The following ZNF341 variants were observed in gnomAD, a reference collection of about 807,000 sequenced individuals.
ZNF341 encodes zinc finger protein 341.
ZNF341 carries 52 observed loss-of-function variants against 87.7 expected under a neutral mutation model. The observed-to-expected ratio is 0.59, with a 90% CI of 0.47 to 0.75. ZNF341 has a LOEUF of 0.75. Among genes scored for constraint, ZNF341 ranks in the 30% least tolerant of loss-of-function variants. The probability of loss-of-function intolerance (pLI) is 0.00; values close to 1 mark genes in which losing one functional copy is unlikely to be tolerated. For synonymous variants in ZNF341, 459 were observed against 472.7 expected, an observed-to-expected ratio of 0.97 and a Z score of 0.38; for missense variants, 977 against 1,145.9, an observed-to-expected ratio of 0.85 and a Z score of 2.13.
chr20:33,733,237 G>A (rs79462983), intron 1 of ZNF341, among the ~76,000 whole-genome samples: 1 of 82,266 alleles, frequency 1.2e-5, no homozygotes, highest in African/African-American at 4.6e-5. Context: ...TTTTTTTTTT[G>A]AGACAGAGTC....
intron 13 of ZNF341, 60 bp downstream of exon 13, chr20:33,789,034 C>A: frequency 7.9e-7 from 1 of 1,267,114 alleles, no homozygotes; most frequent in Non-Finnish European, 1.1e-6. Context: ...AGGGGTGCTG[C>A]TGGGGAGGGT....
chr20:33,755,234 C>CA (rs2122669753), intron 5 of ZNF341, among the ~76,000 whole-genome samples: 1 of 152,336 alleles, frequency 6.6e-6, no homozygotes, highest in South Asian at 2.1e-4. Context: ...CATGAGCCAC[C>CA]ACACCCGTCC....
Position 33,732,025 on chromosome 20 carries a change from G to T in ZNF341, c.4G>T (p.Ala2Ser). ...CGGCGACGGCGGCGGCTCCAAGATGGCGCAGGCGATCTTTGAGGCCCTGGA... is the reference window on the plus strand; with the variant it reads ...CGGCGACGGCGGCGGCTCCAAGATGTCGCAGGCGATCTTTGAGGCCCTGGA... M[A>S]QAIFEALEGM... The change falls in exon 1 of 15, where the codon GCG (alanine) becomes TCG (serine). Residue 2 changes from alanine to serine, a missense_variant. Ala to Ser is a moderately conservative substitution (Grantham distance 99). This residue lies in a region of ZNF341 where 515 missense variants were observed against 598.2 expected (regional missense o/e 0.86). Transcript: ENST00000375200. The surrounding 1 kb of genome is among the most constrained non-coding windows in gnomAD (Gnocchi z 4.5). 7.1e-7 allele frequency: 1 copy of T among 1,417,376 alleles called. No homozygotes were observed. The allele number at this position is 1,417,376 out of a possible 1,614,324, so 87.8% of individuals were successfully genotyped here.
intron 7 of ZNF341, among the ~76,000 whole-genome samples, chr20:33,759,983 T>A (rs1194676559): frequency 6.6e-6 from 1 of 152,222 alleles, no homozygotes; most frequent in Non-Finnish European, 1.5e-5. Flanking sequence ...ATGCTAGTAG[T>A]ACTGCAGCTA....
At chr20:33,744,451 C>T (rs1017361794) in intron 2 of ZNF341, among the ~76,000 whole-genome samples, 5 of 152,150 alleles carry the variant, frequency 3.3e-5, no homozygotes, top group African/African-American at 1.2e-4. Context: ...TCAGGTGGCT[C>T]ATTTGGGGAC....
intron 5 of ZNF341, among the ~76,000 whole-genome samples, chr20:33,755,888 C>G (rs1351705061): frequency 6.6e-6 from 1 of 152,028 alleles, no homozygotes; most frequent in Non-Finnish European, 1.5e-5. Flanking sequence ...GCCATCGTGC[C>G]TGGCCAGAGA....
intron 13 of ZNF341, 85 bp downstream of exon 13, chr20:33,789,059 G>T (rs989128087): frequency 1.6e-5 from 17 of 1,055,028 alleles, no homozygotes; most frequent in South Asian, 1.2e-4. Flanking sequence ...CAGATGTCAG[G>T]CCTGAGGGCA....
intron 3 of ZNF341, among the ~76,000 whole-genome samples, chr20:33,748,690 G>T (rs2122653387): frequency 6.6e-6 from 1 of 152,134 alleles, no homozygotes; most frequent in East Asian, 1.9e-4. Context: ...TTCAGTAGAT[G>T]ATTAAATGGA....
chr20:33,774,326 TA>T (rs1328037921), intron 10 of ZNF341, among the ~76,000 whole-genome samples: 1 of 152,002 alleles, frequency 6.6e-6, no homozygotes, highest in African/African-American at 2.4e-5. Context: ...AAATAAGATT[TA>T]TTGATTTTTT....
chr20:33,746,380 C>T (rs567123624), intron 3 of ZNF341, among the ~76,000 whole-genome samples: 10 of 151,114 alleles, frequency 6.6e-5, no homozygotes, highest in African/African-American at 1.7e-4. Context: ...ACTACAGGCG[C>T]GCACCACCAC....
intron 7 of ZNF341, among the ~76,000 whole-genome samples, chr20:33,760,393 ACT>A (rs936160844): frequency 6.6e-6 from 1 of 151,800 alleles, no homozygotes; most frequent in African/African-American, 2.4e-5. Context: ...ACAGGGTGAG[ACT>A]CTGTCTCAAA....
chr20:33,754,368 A>G (rs1026914141), intron 5 of ZNF341, among the ~76,000 whole-genome samples: 16 of 152,176 alleles, frequency 1.1e-4, no homozygotes, highest in African/African-American at 3.9e-4. Flanking sequence ...GGGTATGGTT[A>G]TGACAGAAAC....
intron 14 of ZNF341, 52 bp downstream of exon 14, chr20:33,789,640 G>A: frequency 6.3e-7 from 1 of 1,583,690 alleles, no homozygotes; most frequent in Non-Finnish European, 8.7e-7. Context: ...CTAGTTCACT[G>A]GGATAGACCC....
chr20:33,785,839 T>C (rs897141336), intron 12 of ZNF341, among the ~76,000 whole-genome samples: 1 of 152,090 alleles, frequency 6.6e-6, no homozygotes, highest in African/African-American at 2.4e-5. Context: ...TTTTTCCTTA[T>C]CATATACCTT....
chr20:33,770,343 G>GGGGGGGGGGGGGGC, intron 10 of ZNF341, 51 bp downstream of exon 10: 4 of 511,254 alleles, frequency 7.8e-6, no homozygotes, highest in Non-Finnish European at 1.2e-5. Flanking sequence ...GGTGGGCAGG[G>GGGGGGGGGGGGGGC]AGCCCAGGGC....
At chr20:33,768,089 A>G (rs574783766) in intron 9 of ZNF341, among the ~76,000 whole-genome samples, 3 of 151,564 alleles carry the variant, frequency 2.0e-5, no homozygotes, top group African/African-American at 7.3e-5. Context: ...AAGGAGTCAC[A>G]TGGTTGACAC....
intron 12 of ZNF341, chr20:33,787,005 A>G (rs1452659068): frequency 1.1e-4 from 17 of 151,908 alleles, no homozygotes; most frequent in Admixed American, 1.1e-3. Flanking sequence ...GAAACAAAAC[A>G]AAACAAAAAA....
At chr20:33,768,137 C>T (rs4911362) in intron 9 of ZNF341, among the ~76,000 whole-genome samples, 1 of 110,422 alleles carries the variant, frequency 9.1e-6, no homozygotes. Flanking sequence ...TTTTTTTTTT[C>T]CCCCCGAGGC....
rs938494257 is a variant in ZNF341 at position 33,732,514 on chromosome 20, T to A, written c.31+462T>A. ...GCGGAGCGGACTGTATGCCTCGTGCTAGGACGTAGTCTCAAAATCAGACCA... is the reference window on the plus strand; with the variant it reads ...GCGGAGCGGACTGTATGCCTCGTGCAAGGACGTAGTCTCAAAATCAGACCA... On this transcript the variant is annotated intron_variant, in intron 1 of 14. Coordinates refer to ENST00000375200, the MANE Select transcript of ZNF341 (RefSeq NM_001282933.2). This position sits in a 1 kb window ranked among gnomAD's most constrained non-coding sequence, Gnocchi z 4.5. 6.6e-6 allele frequency among the ~76,000 whole-genome samples: 1 copy of A among 152,204 alleles called. No individual in the cohort carries two copies. Among genetic ancestry groups the A allele is most frequent in the Admixed American group, 6.5e-5 (1 of 15,280 alleles).
Sources: allele counts gnomAD v4.1 joint callset (sites outside exome capture counted in the v4.1 genomes callset), GRCh38; gene constraint gnomAD v4.1.1; regional missense constraint gnomAD v4.1.1; non-coding constraint Gnocchi (gnomAD v3.1); transcripts MANE v1.5; gene names NCBI Gene and HGNC (gene_info 2026-07-23, HGNC 2026-07-21).